EPB41L1: variants seen among roughly 807,000 people sequenced by gnomAD.
The protein encoded by EPB41L1 is band 4.1-like protein 1.
Under a neutral mutation model 97.8 loss-of-function variants are expected in EPB41L1, and 29 were observed. The observed-to-expected ratio is 0.30, with a 90% CI of 0.22 to 0.40. The LOEUF (loss-of-function observed/expected upper bound fraction) is 0.40, where lower values mean the gene tolerates loss of function less well. EPB41L1 is among the 10% of genes least tolerant of loss of function. EPB41L1 has a pLI of 1.00. For missense variants in EPB41L1, 812 were observed against 1,162.3 expected (o/e 0.70, Z 4.38); for synonymous variants, 383 against 459.2 (o/e 0.83, Z 2.12).
At position 36,178,087 on chromosome 20, in the gene EPB41L1, G is replaced by A. The variant is rs199674417; in HGVS notation, c.447+31G>A. 1.8e-5 allele frequency: 27 copies of A among 1,536,766 alleles called. No homozygotes were observed. The African/African-American group carries it at 2.5e-4, about 14-fold the overall frequency. On this transcript the variant is annotated intron_variant, in intron 4 of 21. Coordinates refer to ENST00000338074, the MANE Select transcript of EPB41L1 (RefSeq NM_012156.2). ...TGGGCTAGGGAGCAGGGTGGGACCT[G>A]CTCTTCCGTTAGGCTCCTGTAATCC...
At chr20:36,154,713 AGCCGCC>A (rs1008384492), upstream of EPB41L1, 7 of 983,350 alleles carry the variant, frequency 7.1e-6, no homozygotes, top group African/African-American at 1.8e-5. The surrounding 1 kb of genome is among the most constrained non-coding windows in gnomAD (Gnocchi z 5.5). Context: ...GCGCACGCCG[AGCCGCC>A]GCCGCCGCCG....
At position 36,187,656 on chromosome 20, in the gene EPB41L1, G is replaced by C. The variant is rs763525704; in HGVS notation, c.786-20G>C. 2.5e-6 allele frequency: 4 copies of C among 1,609,418 alleles called. No individual in the cohort carries two copies. The highest frequency in any genetic ancestry group is 3.4e-6 in the Non-Finnish European group (4 of 1,176,210). On this transcript the variant is annotated intron_variant, in intron 7 of 21. Transcript: ENST00000338074. ...CTGGGCCTTTCCCTTGGTCACCTGT[G>C]ATCACTTTCTTTCCCTCAGGGGGAT...
chr20:36,196,706 C>T (rs1324539076), intron 13 of EPB41L1, among the ~76,000 whole-genome samples: 1 of 152,216 alleles, frequency 6.6e-6, no homozygotes, highest in Non-Finnish European at 1.5e-5. Flanking sequence ...TCCAGAATTA[C>T]CTGATCTGAC....
At chr20:36,105,090 AG>A (rs2058147027) in intron 1 of EPB41L1, among the ~76,000 whole-genome samples, 1 of 152,172 alleles carries the variant, frequency 6.6e-6, no homozygotes, top group African/African-American at 2.4e-5. Flanking sequence ...GGTGGGAACC[AG>A]GGGAATATTG....
At chr20:36,217,138 G>A (rs575311227) in intron 17 of EPB41L1, among the ~76,000 whole-genome samples, 4 of 152,324 alleles carry the variant, frequency 2.6e-5, no homozygotes, top group Middle Eastern at 6.8e-3. Context: ...AGTGACAAGC[G>A]TGTGTTGGAA....
intron 1 of EPB41L1, chr20:36,112,336 A>T (rs927415387): frequency 1.3e-5 from 2 of 152,254 alleles, no homozygotes; most frequent in African/African-American, 4.8e-5. Context: ...AAGGTGCCTC[A>T]GAGAGTCAAA....
intron 2 of EPB41L1, among the ~76,000 whole-genome samples, chr20:36,142,081 C>G (rs1387165180): frequency 6.7e-6 from 1 of 150,268 alleles, no homozygotes; most frequent in African/African-American, 2.5e-5. Flanking sequence ...TGCACTTCAG[C>G]CTGGGCAATA....
intron 2 of EPB41L1, among the ~76,000 whole-genome samples, chr20:36,174,295 C>G (rs949950327): frequency 6.6e-6 from 1 of 151,386 alleles, no homozygotes; most frequent in Non-Finnish European, 1.5e-5. Context: ...GAGTTGGAGT[C>G]TCGCCCTGTC....
chr20:36,225,375 A>G (rs2064063838), intron 21 of EPB41L1, among the ~76,000 whole-genome samples: 1 of 152,224 alleles, frequency 6.6e-6, no homozygotes, highest in African/African-American at 2.4e-5. Context: ...TGTTTAAAAT[A>G]CAGGCACTGG....
chr20:36,159,199 T>C (rs2060431838), intron 1 of EPB41L1, among the ~76,000 whole-genome samples: 1 of 152,206 alleles, frequency 6.6e-6, no homozygotes, highest in African/African-American at 2.4e-5. Context: ...CCTTTAGTCA[T>C]CTGGAAGATT....
rs563945172 is a variant in EPB41L1, at chr20:36,155,587, G to A, written c.-15+691G>A. ...GGGGGCCAATGTCTACAGCCATTGGGGTACTTACTGGGTGCAGAGGCCACT... is the reference window on the plus strand; with the variant it reads ...GGGGGCCAATGTCTACAGCCATTGGAGTACTTACTGGGTGCAGAGGCCACT... On this transcript the variant is annotated intron_variant, in intron 1 of 21. Transcript: ENST00000338074. The A allele has an allele frequency of 2.3e-4, 106 of 456,512 alleles. 1 individual carries two copies. Among genetic ancestry groups the A allele is most frequent in the South Asian group, 1.6e-3 (103 of 64,556 alleles). The allele number at this position is 456,512 out of a possible 1,614,324, so 28.3% of individuals were successfully genotyped here.
Position 36,207,557 on chromosome 20 carries a change from C to T in EPB41L1, c.1669-1931C>T. The T allele has an allele frequency of 7.8e-7, 1 of 1,289,936 alleles. No homozygotes were observed. Among genetic ancestry groups the T allele is most frequent in the Non-Finnish European group, 1.0e-6 (1 of 988,892 alleles). The allele number at this position is 1,289,936 out of a possible 1,614,324, so 79.9% of individuals were successfully genotyped here. A position where few individuals can be genotyped will look rare whatever the true frequency, so the allele number is the denominator to read the frequency against. ...TCTTCAGAGGCACCCGTGGGACAAG[C>T]AGAGCAGCAGCGGAGTACGCTCTCA... On this transcript the variant is annotated intron_variant, in intron 14 of 21. Coordinates refer to ENST00000338074, the MANE Select transcript of EPB41L1 (RefSeq NM_012156.2). This position sits in a 1 kb window ranked among gnomAD's most constrained non-coding sequence, Gnocchi z 4.9.
rs977918119 is a variant in EPB41L1 at position 36,158,163 on chromosome 20, G to A, written c.-15+3267G>A. ...GTGGGGGAGTCAGGATTCAAACCTA[G>A]GCAGTGTGGGTCAGAGCCATGTTCC... On this transcript the variant is annotated intron_variant, in intron 1 of 21. Transcript: ENST00000338074. Among the ~76,000 whole-genome samples the A allele has an allele frequency of 5.3e-5, 8 of 152,292 alleles. No homozygotes were observed. The East Asian group carries it at 1.3e-3, about 26-fold the overall frequency.
chr20:36,108,853 C>T (rs541821074), intron 1 of EPB41L1, among the ~76,000 whole-genome samples: 2 of 152,142 alleles, frequency 1.3e-5, no homozygotes, highest in South Asian at 4.1e-4. Context: ...CAATGAAGGA[C>T]AGATATTCCC....
At chr20:36,203,579 G>A (rs1456243316) in intron 14 of EPB41L1, among the ~76,000 whole-genome samples, 3 of 152,260 alleles carry the variant, frequency 2.0e-5, no homozygotes, top group Admixed American at 6.5e-5. Context: ...ATTGCCAGGC[G>A]GATGTCAGTA....
At chr20:36,142,739 C>T (rs1243594997) in intron 2 of EPB41L1, among the ~76,000 whole-genome samples, 2 of 152,274 alleles carry the variant, frequency 1.3e-5, no homozygotes, top group African/African-American at 4.8e-5. Flanking sequence ...CCTGCCCGGG[C>T]TGTGCTGTGC....
In EPB41L1 at chr20:36,127,565, T is replaced by C. The variant is rs551378833; in HGVS notation, c.-10+15085T>C. Among the ~76,000 whole-genome samples the C allele has an allele frequency of 2.0e-5, 3 of 152,232 alleles. No individual in the cohort carries two copies. The South Asian group carries it at 6.2e-4, about 32-fold the overall frequency. The stretch of plus-strand genomic sequence containing the variant: ...GCATCTGCCCCAGGCCTTTCATCCT[T>C]CTAGGTCCAGGAAAGCTAGCCTAAG... On this transcript the variant is annotated intron_variant, in intron 2 of 19. Transcript: ENST00000202028.
intron 5 of EPB41L1, among the ~76,000 whole-genome samples, chr20:36,180,212 A>G (rs1362030820): frequency 6.6e-6 from 1 of 152,160 alleles, no homozygotes; most frequent in Admixed American, 6.5e-5. Context: ...ACTTCCAGCC[A>G]TTTATCCTCA....
intron 1 of EPB41L1, among the ~76,000 whole-genome samples, chr20:36,170,635 G>T (rs985963273): frequency 6.6e-6 from 1 of 152,174 alleles, no homozygotes; most frequent in East Asian, 1.9e-4. Flanking sequence ...GTTCTGTTGG[G>T]GTTTGCTTGA....
Sources: allele counts gnomAD v4.1 joint callset (sites outside exome capture counted in the v4.1 genomes callset), GRCh38; gene constraint gnomAD v4.1.1; non-coding constraint Gnocchi (gnomAD v3.1); transcripts MANE v1.5; gene names NCBI Gene and HGNC (gene_info 2026-07-23, HGNC 2026-07-21).